DOCK2: variants seen among roughly 807,000 people sequenced by gnomAD.
The protein encoded by DOCK2 is dedicator of cytokinesis protein 2.
DOCK2 carries 87 observed loss-of-function variants against 248.9 expected under a neutral mutation model. That is an observed-to-expected ratio of 0.35 (90% CI 0.29 to 0.42). The LOEUF (loss-of-function observed/expected upper bound fraction) is 0.42. Ranked by LOEUF, DOCK2 falls within the 10% of genes least tolerant of loss-of-function variation. The probability of loss-of-function intolerance (pLI) is 1.00; values close to 1 mark genes in which losing one functional copy is unlikely to be tolerated. For missense variants in DOCK2, 1,747 were observed against 2,300.2 expected, an observed-to-expected ratio of 0.76 and a Z score of 4.92; for synonymous variants, 805 against 821.6, an observed-to-expected ratio of 0.98 and a Z score of 0.35.
intron 32 of DOCK2, among the ~76,000 whole-genome samples, chr5:170,014,286 C>A (rs1312651689): frequency 1.7e-4 from 26 of 152,090 alleles, no homozygotes; most frequent in Admixed American, 1.6e-3. Context: ...ATGTCCTAAT[C>A]CCCAGAACCT....
chr5:169,825,427 A>C lies in DOCK2; in HGVS notation c.2704-15330A>C, dbSNP rs1048326362. Reference sequence around the variant, plus strand: ...AAATGTGGCACATATACACCGTGGAATACTATGCAGCCATAGAAAATGATG... The same window carrying C: ...AAATGTGGCACATATACACCGTGGACTACTATGCAGCCATAGAAAATGATG... On this transcript the variant is annotated intron_variant, in intron 26 of 51. Coordinates refer to ENST00000520908, the MANE Select transcript of DOCK2 (RefSeq NM_004946.3). 9.1e-4 allele frequency among the ~76,000 whole-genome samples: 138 copies of C among 151,270 alleles called. 1 individual carries two copies. The highest frequency in any genetic ancestry group is 3.2e-3 in the African/African-American group (130 of 40,812).
chr5:169,857,743 A>G (rs1382233581), intron 27 of DOCK2, among the ~76,000 whole-genome samples: 1 of 152,058 alleles, frequency 6.6e-6, no homozygotes, highest in South Asian at 2.1e-4. Context: ...TAAAAAAAAA[A>G]AAAAGAAAAA....
In DOCK2 at chr5:169,755,612, C is replaced by T. The variant is rs534208067; in HGVS notation, c.2377-4093C>T. On this transcript the variant is annotated intron_variant, in intron 23 of 51. Coordinates refer to ENST00000520908, the MANE Select transcript of DOCK2 (RefSeq NM_004946.3). ...ATAAAAAACTAGCCGGGCGTGGTGG[C>T]GGGTGCCTATAATCCCAGCTACTCC... is the stretch of plus-strand genomic sequence containing the variant. Among the ~76,000 whole-genome samples the T allele has an allele frequency of 1.5e-4, 23 of 152,130 alleles. 1 individual carries two copies. In the South Asian group the frequency reaches 3.1e-3, roughly 21 times the overall value.
chr5:169,788,297 C>T (rs752617819), intron 25 of DOCK2, among the ~76,000 whole-genome samples: 11 of 152,184 alleles, frequency 7.2e-5, no homozygotes, highest in Admixed American at 3.9e-4. Flanking sequence ...AATAGAGAAA[C>T]GGAAGTGCCA....
At position 169,712,335 on chromosome 5, in the gene DOCK2, G is replaced by A; in HGVS notation, c.1659+112G>A. On this transcript the variant is annotated intron_variant, in intron 17 of 51. Transcript: ENST00000520908. ...GGACCCCAGAATCACACACACCAGA[G>A]TTTACCAACTTTGTGGCCTCTTATA... 11 of 870,988 alleles carry A rather than the reference G, an allele frequency of 1.3e-5. No homozygotes were observed. In the South Asian group the frequency reaches 1.7e-4, roughly 14 times the overall value. The allele number at this position is 870,988 out of a possible 1,614,324, so 54.0% of individuals were successfully genotyped here.
chr5:170,082,964 A>T lies in DOCK2; in HGVS notation c.*106A>T. 1.4e-6 allele frequency: 2 copies of T among 1,451,798 alleles called. No homozygotes were observed. The highest frequency in any genetic ancestry group is 2.4e-5 in the South Asian group (2 of 85,058). 89.9% of individuals were successfully genotyped at this position (1,451,798 alleles called of 1,614,324 possible). ...CCTCAGAGAGTGGGAGACTGTCCCC[A>T]TCAGTTGTCCTTACTTAGAGGAGAC... On this transcript the variant is annotated 3_prime_UTR_variant, in exon 52 of 52. Transcript: ENST00000520908.
chr5:169,840,201 T>C (rs1202588328), intron 26 of DOCK2, among the ~76,000 whole-genome samples: 2 of 152,308 alleles, frequency 1.3e-5, no homozygotes, highest in African/African-American at 4.8e-5. Flanking sequence ...CGTCTTCACG[T>C]AGCCAGAGCT....
At chr5:170,062,414 T>C (rs1757364862) in intron 44 of DOCK2, among the ~76,000 whole-genome samples, 1 of 152,092 alleles carries the variant, frequency 6.6e-6, no homozygotes, top group Admixed American at 6.5e-5. Context: ...GACTTCTACC[T>C]ACCAGGCACT....
chr5:170,006,788 T>G (rs1193678257), intron 30 of DOCK2, among the ~76,000 whole-genome samples: 1 of 152,220 alleles, frequency 6.6e-6, no homozygotes, highest in Non-Finnish European at 1.5e-5. Flanking sequence ...CTAGCAGATG[T>G]TCCAGAAATA....
chr5:169,723,020 TGA>T, intron 22 of DOCK2, among the ~76,000 whole-genome samples: 1 of 152,212 alleles, frequency 6.6e-6, no homozygotes. Context: ...ATTTCCTCTG[TGA>T]GTGTGATCAG....
intron 22 of DOCK2, among the ~76,000 whole-genome samples, chr5:169,727,460 A>G (rs1762543710): frequency 6.6e-6 from 1 of 152,178 alleles, no homozygotes; most frequent in African/African-American, 2.4e-5. Context: ...TAGTGAATGA[A>G]GCCGTGGTGG....
chr5:169,758,863 G>A (rs922249238), intron 23 of DOCK2, among the ~76,000 whole-genome samples: 3 of 152,130 alleles, frequency 2.0e-5, no homozygotes, highest in African/African-American at 7.2e-5. Flanking sequence ...TAATTTTCAC[G>A]ATTTTTTACT....
At position 169,841,436 on chromosome 5, in the gene DOCK2, G is replaced by A. The variant is rs984214401; in HGVS notation, c.2799+584G>A. On this transcript the variant is annotated intron_variant, in intron 27 of 51. Coordinates refer to ENST00000520908, the MANE Select transcript of DOCK2 (RefSeq NM_004946.3). ...GAACCCTTTAACCTCTGCCCATCGT[G>A]CTTTAAACCAAGGACCCAAAATTCA... 7 of 985,488 alleles carry A rather than the reference G, an allele frequency of 7.1e-6. No individual in the cohort carries two copies. In the African/African-American group the frequency reaches 1.2e-4, roughly 17 times the overall value. The allele number at this position is 985,488 out of a possible 1,614,324, so 61.0% of individuals were successfully genotyped here. A position where few individuals can be genotyped will look rare whatever the true frequency, so the allele number is the denominator to read the frequency against.
rs112170774 is a variant in DOCK2 at position 169,841,397 on chromosome 5, A to G, written c.2799+545A>G. The G allele has an allele frequency of 1.4e-3, 1,403 of 987,568 alleles. 15 individuals are homozygous for G. The African/African-American group carries it at 0.022, about 16-fold the overall frequency. The allele number at this position is 987,568 out of a possible 1,614,324, so 61.2% of individuals were successfully genotyped here. On this transcript the variant is annotated intron_variant, in intron 27 of 51. Transcript: ENST00000520908. ...ATCTGATTATTTTTCTTCTCCCGAC[A>G]CAGAACCCAGCTCGAACCCTTTAAC...
intron 5 of DOCK2, 78 bp downstream of exon 5, chr5:169,671,252 T>C (rs1384862830): frequency 7.2e-7 from 1 of 1,390,034 alleles, no homozygotes; most frequent in Non-Finnish European, 1.0e-6. Context: ...ATTTTAGCAT[T>C]GAGTCAGGCA....
intron 27 of DOCK2, among the ~76,000 whole-genome samples, chr5:169,857,392 G>A (rs1276598806): frequency 6.6e-6 from 1 of 152,162 alleles, no homozygotes; most frequent in Non-Finnish European, 1.5e-5. Flanking sequence ...AAGGGTACTG[G>A]GAGCAAACAT....
chr5:169,669,379 C>T (rs777854115), intron 3 of DOCK2, 51 bp downstream of exon 3: 2 of 1,591,532 alleles, frequency 1.3e-6, no homozygotes, highest in Admixed American at 1.7e-5. Flanking sequence ...CTTCATATGG[C>T]CCCGCTATCC....
intron 23 of DOCK2, among the ~76,000 whole-genome samples, chr5:169,749,065 A>T (rs1422731253): frequency 6.6e-6 from 1 of 152,238 alleles, no homozygotes; most frequent in Non-Finnish European, 1.5e-5. Context: ...CTGACATCAC[A>T]TGGGCTTCAC....
chr5:169,725,176 TG>T (rs1762407121), intron 22 of DOCK2, among the ~76,000 whole-genome samples: 1 of 152,234 alleles, frequency 6.6e-6, no homozygotes, highest in Non-Finnish European at 1.5e-5. Context: ...CCTCTGTTTT[TG>T]GTTTTGAATA....
Sources: allele counts gnomAD v4.1 joint callset (sites outside exome capture counted in the v4.1 genomes callset), GRCh38; gene constraint gnomAD v4.1.1; transcripts MANE v1.5; gene names NCBI Gene and HGNC (gene_info 2026-07-23, HGNC 2026-07-21).